The following DPYSL2 variants were observed in gnomAD, a reference collection of about 807,000 sequenced individuals.
DPYSL2 encodes the protein dihydropyrimidinase-related protein 2.
In DPYSL2, 13 loss-of-function variants were observed where a neutral mutation model predicts 69.9. The ratio of observed to expected loss-of-function variants is 0.19; its 90% CI spans 0.12 to 0.30. The LOEUF (loss-of-function observed/expected upper bound fraction) is 0.30, where lower values mean the gene tolerates loss of function less well. DPYSL2 is among the 10% of genes least tolerant of loss of function. The probability of loss-of-function intolerance (pLI) is 1.00; values close to 1 mark genes in which losing one functional copy is unlikely to be tolerated. For synonymous variants in DPYSL2, 326 were observed against 359.1 expected, an observed-to-expected ratio of 0.91 and a Z score of 1.04; for missense variants, 587 against 918.9, an observed-to-expected ratio of 0.64 and a Z score of 4.67.
In DPYSL2 at chr8:26,640,747, A is replaced by C. The variant is rs1803022734; in HGVS notation, c.1127-2692A>C. Among the ~76,000 whole-genome samples, 1 of 152,222 alleles carries C rather than the reference A, an allele frequency of 6.6e-6. No individual in the cohort carries two copies. Among genetic ancestry groups the C allele is most frequent in the African/African-American group, 2.4e-5 (1 of 41,442 alleles). ...ATCCCTGAGGGAAGTTGAACAGAGC[A>C]AAGTAGAAATGAACCACAGGATGGC... On this transcript the variant is annotated intron_variant, in intron 8 of 13. Coordinates refer to ENST00000521913, the MANE Select transcript of DPYSL2 (RefSeq NM_001197293.3). The surrounding 1 kb of genome is among the most constrained non-coding windows in gnomAD (Gnocchi z 4.2).
chr8:26,647,865 G>A lies in DPYSL2; in HGVS notation c.1596+65G>A, dbSNP rs1803205308. On this transcript the variant is annotated intron_variant, in intron 11 of 13. Coordinates refer to ENST00000521913, the MANE Select transcript of DPYSL2 (RefSeq NM_001197293.3). This position sits in a 1 kb window ranked among gnomAD's most constrained non-coding sequence, Gnocchi z 5.1. The stretch of plus-strand genomic sequence containing the variant: ...TACAGTCACAGAGACACAGACGGAG[G>A]GAGAGCCCCAGGGTTTCTAAAAAGA... 2.6e-6 allele frequency: 4 copies of A among 1,522,384 alleles called. No homozygotes were observed. The South Asian group carries it at 5.1e-5, about 20-fold the overall frequency. The allele number at this position is 1,522,384 out of a possible 1,614,324, so 94.3% of individuals were successfully genotyped here.
At chr8:26,536,140 A>G (rs1469827194) in intron 1 of DPYSL2, among the ~76,000 whole-genome samples, 1 of 147,356 alleles carries the variant, frequency 6.8e-6, no homozygotes, top group Non-Finnish European at 1.5e-5. Context: ...GAGTCTTGCT[A>G]AGTTGCCCAG....
In DPYSL2 at chr8:26,647,531, C is replaced by T. The variant is rs888426152; in HGVS notation, c.1426-99C>T. ...TTGGCACAACGCTCTTGACATCCAT[C>T]TAAGCTGTCGTGTGTATCAATAGTT... On this transcript the variant is annotated intron_variant, in intron 10 of 13. Transcript: ENST00000521913. The surrounding 1 kb of genome is among the most constrained non-coding windows in gnomAD (Gnocchi z 5.1). The T allele has an allele frequency of 1.5e-6, 2 of 1,317,866 alleles. No individual in the cohort carries two copies. The highest frequency in any genetic ancestry group is 2.1e-6 in the Non-Finnish European group (2 of 957,354). The allele number at this position is 1,317,866 out of a possible 1,614,324, so 81.6% of individuals were successfully genotyped here. A position where few individuals can be genotyped will look rare whatever the true frequency, so the allele number is the denominator to read the frequency against.
chr8:26,636,653 C>T (rs369473311), intron 8 of DPYSL2, among the ~76,000 whole-genome samples: 9 of 152,108 alleles, frequency 5.9e-5, no homozygotes, highest in African/African-American at 2.2e-4. Context: ...GGTGGAGTTG[C>T]GGAGCTGGAG....
intron 3 of DPYSL2, among the ~76,000 whole-genome samples, chr8:26,589,568 G>A (rs1172195808): frequency 6.6e-6 from 1 of 152,198 alleles, no homozygotes; most frequent in African/African-American, 2.4e-5. Context: ...TATCCGACGT[G>A]GACTGTGTTC....
At chr8:26,531,728 G>A (rs1330727652) in intron 1 of DPYSL2, among the ~76,000 whole-genome samples, 4 of 152,180 alleles carry the variant, frequency 2.6e-5, no homozygotes, top group African/African-American at 9.7e-5. Flanking sequence ...ATATTTAAAA[G>A]TCAAGCCAGG....
At position 26,619,232 on chromosome 8, in the gene DPYSL2, A is replaced by G. The variant is rs1156360895; in HGVS notation, c.629-4911A>G. Among the ~76,000 whole-genome samples, 3 of 152,148 alleles carry G rather than the reference A, an allele frequency of 2.0e-5. No individual in the cohort carries two copies. The highest frequency in any genetic ancestry group is 7.2e-5 in the African/African-American group (3 of 41,420). ...TCTACTCCCTCCGGAAGTGAGTATG[A>G]CATTCTGCCCTATTCCCTTGGAGCA... On this transcript the variant is annotated intron_variant, in intron 3 of 13. Coordinates refer to ENST00000521913, the MANE Select transcript of DPYSL2 (RefSeq NM_001197293.3). The surrounding 1 kb of genome is among the most constrained non-coding windows in gnomAD (Gnocchi z 4.8).
At position 26,514,750 on chromosome 8, in the gene DPYSL2, C is replaced by T; in HGVS notation, c.354+71C>T. 2 of 1,299,316 alleles carry T rather than the reference C, an allele frequency of 1.5e-6. No homozygotes were observed. The highest frequency in any genetic ancestry group is 2.0e-6 in the Non-Finnish European group (2 of 1,005,928). The allele number at this position is 1,299,316 out of a possible 1,614,324, so 80.5% of individuals were successfully genotyped here. ...ATCGCCCCTCCCTCGCCCCTGAGCC[C>T]GGCGCGCCCGCCTTCATGCCCCGCC... On this transcript the variant is annotated intron_variant, in intron 1 of 13. Transcript: ENST00000521913. The surrounding 1 kb of genome is among the most constrained non-coding windows in gnomAD (Gnocchi z 8.4).
chr8:26,567,239 C>T (rs1801166161), intron 1 of DPYSL2, among the ~76,000 whole-genome samples: 1 of 126,196 alleles, frequency 7.9e-6, no homozygotes. Context: ...ATCCATCCAT[C>T]ATCCATCTAT....
intron 3 of DPYSL2, among the ~76,000 whole-genome samples, chr8:26,601,972 C>T (rs983169388): frequency 6.6e-6 from 1 of 152,202 alleles, no homozygotes; most frequent in South Asian, 2.1e-4. Flanking sequence ...TTAGGTTTGC[C>T]TGGGCAAAGG....
intron 1 of DPYSL2, among the ~76,000 whole-genome samples, chr8:26,535,898 TTGTGTGTGTGTGTGTGTGTG>T (rs112620337): frequency 1.4e-5 from 2 of 141,170 alleles, no homozygotes; most frequent in Non-Finnish European, 3.1e-5. Flanking sequence ...TCTCTATGGG[TTGTGTGTGTGTGTGTGTGTG>T]TGTGTGTGTG....
intron 1 of DPYSL2, among the ~76,000 whole-genome samples, chr8:26,576,890 A>G (rs901063767): frequency 2.0e-5 from 3 of 152,174 alleles, no homozygotes; most frequent in Non-Finnish European, 2.9e-5. Flanking sequence ...TGCCCCCGAC[A>G]GCGCTGCAGG....
chr8:26,651,257 G>C (rs1054250373), intron 11 of DPYSL2, among the ~76,000 whole-genome samples: 4 of 152,130 alleles, frequency 2.6e-5, no homozygotes, highest in African/African-American at 9.7e-5. Context: ...TGCCTGATGT[G>C]AGCTGCTGAG....
At position 26,571,201 on chromosome 8, in the gene DPYSL2, G is replaced by T. The variant is rs1221404075; in HGVS notation, c.355-10768G>T. Among the ~76,000 whole-genome samples the T allele has an allele frequency of 6.6e-6, 1 of 152,126 alleles. No individual in the cohort carries two copies. The highest frequency in any genetic ancestry group is 1.5e-5 in the Non-Finnish European group (1 of 68,018). Reference sequence around the variant, plus strand: ...TATAAATAGAGGGTGGAGTGGGCTGGATCTGTCGCTAAGTGTCCAGAAGTA... The same window carrying T: ...TATAAATAGAGGGTGGAGTGGGCTGTATCTGTCGCTAAGTGTCCAGAAGTA... On this transcript the variant is annotated intron_variant, in intron 1 of 13. Transcript: ENST00000521913. The surrounding 1 kb of genome is among the most constrained non-coding windows in gnomAD (Gnocchi z 6.1).
rs1233559418 is a variant in DPYSL2, at chr8:26,656,041, CTGTT to C, written c.*336_*339del. 8.5e-6 allele frequency: 2 copies of C among 234,398 alleles called. No homozygotes were observed. Among genetic ancestry groups the C allele is most frequent in the African/African-American group, 4.5e-5 (2 of 44,688 alleles). The allele number at this position is 234,398 out of a possible 1,614,324, so 14.5% of individuals were successfully genotyped here. ...TCCTTCGCCTTCAACCTCCTAGTGT[CTGTT>C]AGCATCTTCCTTTTCATGGGGGGAG... On this transcript the variant is annotated 3_prime_UTR_variant, in exon 14 of 14. Coordinates refer to ENST00000521913, the MANE Select transcript of DPYSL2 (RefSeq NM_001197293.3).
rs879444211 is a variant in DPYSL2, at chr8:26,587,671, G to A, written c.628+3688G>A. On this transcript the variant is annotated intron_variant, in intron 3 of 13. Coordinates refer to ENST00000521913, the MANE Select transcript of DPYSL2 (RefSeq NM_001197293.3). The surrounding 1 kb of genome is among the most constrained non-coding windows in gnomAD (Gnocchi z 4.2). ...TATGAGGCGGACTCAGTGTGGAGCAGGGGGAACGCCCTTTGCCCTTTCCAC... is the reference window on the plus strand; with the variant it reads ...TATGAGGCGGACTCAGTGTGGAGCAAGGGGAACGCCCTTTGCCCTTTCCAC... Among the ~76,000 whole-genome samples, 18 of 152,112 alleles carry A rather than the reference G, an allele frequency of 1.2e-4. No homozygotes were observed. The highest frequency in any genetic ancestry group is 4.1e-4 in the African/African-American group (17 of 41,424).
chr8:26,613,091 A>G (rs1366054987), intron 3 of DPYSL2, among the ~76,000 whole-genome samples: 1 of 152,240 alleles, frequency 6.6e-6, no homozygotes, highest in Non-Finnish European at 1.5e-5. Context: ...CAACTGTTCC[A>G]TTCCTGTTTT....
At chr8:26,625,893 C>A (rs757995057) in intron 4 of DPYSL2, among the ~76,000 whole-genome samples, 1 of 152,074 alleles carries the variant, frequency 6.6e-6, no homozygotes, top group African/African-American at 2.4e-5. Context: ...TTTTAAAATA[C>A]ACTCATAATG....
chr8:26,584,166 T>C (rs979088203), intron 3 of DPYSL2, among the ~76,000 whole-genome samples, 183 bp downstream of exon 3: 2 of 152,200 alleles, frequency 1.3e-5, no homozygotes, highest in Non-Finnish European at 2.9e-5. Context: ...TCTGTCAAAT[T>C]TTAAGTTCTC....
Sources: gnomAD v4.1 joint callset for allele counts (sites outside exome capture counted in the v4.1 genomes callset) on GRCh38, gnomAD v4.1.1 for gene constraint, Gnocchi (gnomAD v3.1) non-coding constraint, MANE v1.5 for transcripts, NCBI Gene and HGNC (gene_info 2026-07-23, HGNC 2026-07-21) for gene names.